The following EXTL3 variants were observed in gnomAD, a reference collection of about 807,000 sequenced individuals.
The protein encoded by EXTL3 is exostosin-like 3.
Under a neutral mutation model 69.3 loss-of-function variants are expected in EXTL3, and 27 were observed. That is an observed-to-expected ratio of 0.39 (90% CI 0.29 to 0.54). The LOEUF is 0.54. Ranked by LOEUF, EXTL3 falls within the 20% of genes least tolerant of loss-of-function variation. The pLI, the probability that EXTL3 is intolerant of heterozygous loss-of-function variation, is 0.69. For missense variants in EXTL3, 1,003 were observed against 1,231.8 expected (o/e 0.81, Z 2.78); for synonymous variants, 511 against 499.4 (o/e 1.02, Z -0.31).
chr8:28,699,350 CCA>C (rs1211110604), upstream of EXTL3: 1 of 152,410 alleles, frequency 6.6e-6, no homozygotes, highest in Non-Finnish European at 1.5e-5. Flanking sequence ...GAAAGTAGCC[CCA>C]GTCATATCAT....
At chr8:28,723,633 C>G (rs1237705311) in intron 3 of EXTL3, among the ~76,000 whole-genome samples, 1 of 145,908 alleles carries the variant, frequency 6.9e-6, no homozygotes, top group African/African-American at 2.5e-5. Context: ...AATGAGGGCT[C>G]AGGACTGTTT....
At chr8:28,615,437 C>T (rs1341717509) in intron 2 of EXTL3, among the ~76,000 whole-genome samples, 3 of 152,164 alleles carry the variant, frequency 2.0e-5, no homozygotes, top group Admixed American at 6.6e-5. Flanking sequence ...TGTTGTTAGG[C>T]ACATACATAT....
chr8:28,644,711 A>T (rs528744575), intron 1 of EXTL3, among the ~76,000 whole-genome samples: 1 of 152,298 alleles, frequency 6.6e-6, no homozygotes, highest in South Asian at 2.1e-4. Context: ...AAAATGTTCA[A>T]TGTATCTTTT....
At chr8:28,680,237 A>C (rs1194973367) in intron 1 of EXTL3, among the ~76,000 whole-genome samples, 5 of 152,118 alleles carry the variant, frequency 3.3e-5, no homozygotes, top group Non-Finnish European at 7.4e-5. Flanking sequence ...ACAAAAATAC[A>C]AAAATTAGCT....
intron 2 of EXTL3, among the ~76,000 whole-genome samples, chr8:28,615,830 T>C (rs1806323598): frequency 6.6e-6 from 1 of 152,076 alleles, no homozygotes; most frequent in African/African-American, 2.4e-5. Flanking sequence ...TGCCTGGGCC[T>C]CCCAAAGTGC....
chr8:28,611,426 C>A (rs1806270276), intron 2 of EXTL3, among the ~76,000 whole-genome samples: 1 of 152,038 alleles, frequency 6.6e-6, no homozygotes, highest in Non-Finnish European at 1.5e-5. Context: ...TGCACTCCAG[C>A]CTGGGTGACA....
At chr8:28,651,018 T>C (rs981170591) in intron 1 of EXTL3, among the ~76,000 whole-genome samples, 18 of 152,156 alleles carry the variant, frequency 1.2e-4, no homozygotes, top group Non-Finnish European at 2.9e-5. Context: ...TTCTCCTTCT[T>C]TTCACCGGTG....
upstream of EXTL3, among the ~76,000 whole-genome samples, chr8:28,699,266 G>A (rs1203975224): frequency 1.3e-5 from 2 of 152,204 alleles, no homozygotes; most frequent in African/African-American, 2.4e-5. Context: ...TGCTGTAAAG[G>A]ACCAGCTTGC....
chr8:28,694,552 C>T (rs1331474667), intron 1 of EXTL3, among the ~76,000 whole-genome samples: 2 of 152,198 alleles, frequency 1.3e-5, no homozygotes, highest in Non-Finnish European at 2.9e-5. Flanking sequence ...GGGTCCAAAA[C>T]CTGGCACCAC....
chr8:28,676,714 G>A (rs1035782772), intron 1 of EXTL3, among the ~76,000 whole-genome samples: 10 of 152,160 alleles, frequency 6.6e-5, no homozygotes, highest in Non-Finnish European at 1.0e-4. Flanking sequence ...CCAGGACAGA[G>A]CCCTGGGGAA....
rs746530379 is a variant in EXTL3 at position 28,717,835 on chromosome 8, T to C, written c.1776T>C (p.Asn592=). 1.2e-6 allele frequency: 2 copies of C among 1,611,906 alleles called. No individual in the cohort carries two copies. Among genetic ancestry groups the C allele is most frequent in the South Asian group, 2.2e-5 (2 of 91,052 alleles). The change falls in exon 3 of 7, where the codon AAT becomes AAC. Residue 592 remains asparagine, a synonymous_variant. Transcript: ENST00000220562. The surrounding 1 kb of genome is among the most constrained non-coding windows in gnomAD (Gnocchi z 8.3). ...ACGCCTCACCCAGATACCTCCGCAATTTCACTCTGACTGTCACTGACTTTT... is the reference window on the plus strand; with the variant it reads ...ACGCCTCACCCAGATACCTCCGCAACTTCACTCTGACTGTCACTGACTTTT... ...PPYASPRYLR[N]FTLTVTDFYR...
chr8:28,739,761 G>A (rs1306916753), intron 5 of EXTL3: 7 of 152,186 alleles, frequency 4.6e-5, no homozygotes, highest in South Asian at 2.1e-4. Flanking sequence ...CCTTTCCTTC[G>A]GTGGGCCTTG....
chr8:28,698,688 AAAAAC>A (rs1368052371), upstream of EXTL3, among the ~76,000 whole-genome samples: 3 of 152,306 alleles, frequency 2.0e-5, no homozygotes, highest in Admixed American at 6.5e-5. Context: ...GTCTCTACAA[AAAAAC>A]AAAACAAAAC....
At position 28,626,820 on chromosome 8, in the gene EXTL3, A is replaced by G. The variant is rs748478241; in HGVS notation, c.-53+4010A>G. Among the ~76,000 whole-genome samples, 6 of 152,254 alleles carry G rather than the reference A, an allele frequency of 3.9e-5. No individual in the cohort carries two copies. The East Asian group carries it at 9.7e-4, about 25-fold the overall frequency. ...TGGGACAGCCCTTCCAGGTAAACCC[A>G]CACCTCAGGCGTCAGCATGGGAGTG... On this transcript the variant is annotated intron_variant, in intron 1 of 6. Transcript: ENST00000523149.
In EXTL3 at chr8:28,679,179, G is replaced by A. The variant is rs371494093; in HGVS notation, c.-52-34278G>A. ...ATGTCCAGTCTAGGCCAGGCGTGCC[G>A]GTTCACGCCTGTTATCCCAGCACTT... On this transcript the variant is annotated intron_variant, in intron 1 of 6. Coordinates refer to the EXTL3 transcript ENST00000523149. Among the ~76,000 whole-genome samples the A allele has an allele frequency of 1.4e-3, 207 of 152,296 alleles. 2 individuals are homozygous for A. The highest frequency in any genetic ancestry group is 4.6e-3 in the African/African-American group (193 of 41,564).
intron 5 of EXTL3, chr8:28,741,874 T>A (rs973530780): frequency 2.6e-5 from 4 of 152,256 alleles, no homozygotes; most frequent in African/African-American, 9.6e-5. Context: ...AAAAATTTTA[T>A]CATTATTTCA....
intron 3 of EXTL3, among the ~76,000 whole-genome samples, chr8:28,726,879 C>CTTTTTTTTTTTT (rs11458194): frequency 1.5e-4 from 15 of 99,930 alleles, no homozygotes; most frequent in South Asian, 3.5e-4. Flanking sequence ...CTTTTCTTTT[C>CTTTTTTTTTTTT]TTTTTTTTTT....
At chr8:28,614,597 GT>G (rs969145758) in intron 2 of EXTL3, among the ~76,000 whole-genome samples, 5 of 151,904 alleles carry the variant, frequency 3.3e-5, no homozygotes, top group African/African-American at 9.7e-5. Context: ...TTATTTTGCT[GT>G]TTTTAAATTT....
At chr8:28,679,942 C>T (rs994823846) in intron 1 of EXTL3, among the ~76,000 whole-genome samples, 11 of 152,126 alleles carry the variant, frequency 7.2e-5, no homozygotes, top group African/African-American at 2.7e-4. Context: ...ATAATTACAA[C>T]TCAATCCAGG....
Sources: allele counts gnomAD v4.1 joint callset (sites outside exome capture counted in the v4.1 genomes callset), GRCh38; gene constraint gnomAD v4.1.1; non-coding constraint Gnocchi (gnomAD v3.1); transcripts MANE v1.5; gene names NCBI Gene and HGNC (gene_info 2026-07-23, HGNC 2026-07-21).